BRINP1: variants seen among roughly 807,000 people sequenced by gnomAD.
BRINP1 encodes BMP/retinoic acid-inducible neural-specific protein 1.
A neutral mutation model predicts 72.9 loss-of-function variants in BRINP1; 17 were observed. The ratio of observed to expected loss-of-function variants is 0.23; its 90% CI spans 0.16 to 0.35. The LOEUF is 0.35. Ranked by LOEUF, BRINP1 falls within the 10% of genes least tolerant of loss-of-function variation. The pLI, the probability that BRINP1 is intolerant of heterozygous loss-of-function variation, is 1.00. For missense variants in BRINP1, 850 were observed against 1,001.6 expected (o/e 0.85, Z 2.04); for synonymous variants, 418 against 378.5 (o/e 1.10, Z -1.21).
At chr9:119,274,695 T>C (rs1320306931) in intron 2 of BRINP1, among the ~76,000 whole-genome samples, 1 of 151,892 alleles carries the variant, frequency 6.6e-6, no homozygotes, top group African/African-American at 2.4e-5. Flanking sequence ...AATAAGAAAA[T>C]ATGCACAGAA....
At chr9:119,172,589 C>CCAAT (rs1355469207) in intron 7 of BRINP1, among the ~76,000 whole-genome samples, 1 of 151,312 alleles carries the variant, frequency 6.6e-6, no homozygotes, top group Non-Finnish European at 1.5e-5. Flanking sequence ...TGAAACTATT[C>CCAAT]CAATCAATAG....
At chr9:119,242,347 A>G (rs1830260467) in intron 3 of BRINP1, 131 bp from the exon 4 acceptor site, 2 of 728,172 alleles carry the variant, frequency 2.7e-6, no homozygotes, top group Non-Finnish European at 4.5e-6. Context: ...CTGCCTCTAA[A>G]AATCAAAGGC....
intron 1 of BRINP1, among the ~76,000 whole-genome samples, chr9:119,357,155 G>A (rs1258104646): frequency 1.3e-5 from 2 of 152,182 alleles, no homozygotes; most frequent in African/African-American, 4.8e-5. Flanking sequence ...TAGAGAAGAA[G>A]AAATCTGCTT....
At chr9:119,238,443 A>G (rs1195397257) in intron 5 of BRINP1, among the ~76,000 whole-genome samples, 1 of 152,192 alleles carries the variant, frequency 6.6e-6, no homozygotes, top group Non-Finnish European at 1.5e-5. Context: ...ATAATCATGA[A>G]TTTACTGTCC....
chr9:119,264,678 T>A (rs1482085137), intron 2 of BRINP1, among the ~76,000 whole-genome samples: 1 of 152,154 alleles, frequency 6.6e-6, no homozygotes, highest in Admixed American at 6.5e-5. Flanking sequence ...AGCCCTGATG[T>A]TTTTTTGTTT....
intron 6 of BRINP1, among the ~76,000 whole-genome samples, chr9:119,212,196 C>T (rs1236988119): frequency 6.6e-6 from 1 of 152,128 alleles, no homozygotes; most frequent in East Asian, 1.9e-4. Flanking sequence ...TTGAGCTGTA[C>T]AGCACTGTAG....
rs141381406 is a variant in BRINP1, at chr9:119,167,521, T to C, written c.1849A>G (p.Ile617Val). Residue 617 changes from isoleucine to valine, a missense_variant, in exon 8 of 8, where the codon ATC becomes GTC. Physicochemically the swap from Ile to Val is conservative, Grantham distance 29 (BLOSUM62 3). Transcript: ENST00000265922. This position sits in a 1 kb window ranked among gnomAD's most constrained non-coding sequence, Gnocchi z 4.3. ...AGCCGAGTCCGACTACGTAGGTAGA[T>C]GTGGACCGTCTCGAAAAATGTTTTC... ...RWKTFFETVH[I>V]YLRSRTRLPT... 44 of 1,614,032 alleles carry C rather than the reference T, an allele frequency of 2.7e-5. No individual in the cohort carries two copies. Among genetic ancestry groups the C allele is most frequent in the Admixed American group, 3.3e-5 (2 of 60,006 alleles).
At chr9:119,254,029 T>G (rs1337785333) in intron 2 of BRINP1, among the ~76,000 whole-genome samples, 1 of 152,130 alleles carries the variant, frequency 6.6e-6, no homozygotes, top group Non-Finnish European at 1.5e-5. Context: ...AAAGTACACT[T>G]AAGTAAAAGG....
At chr9:119,247,006 G>C (rs955711010) in intron 3 of BRINP1, among the ~76,000 whole-genome samples, 5 of 152,202 alleles carry the variant, frequency 3.3e-5, no homozygotes. Flanking sequence ...CCTTGCCTTA[G>C]AGAAATTAAA....
At chr9:119,179,532 C>A (rs181000538) in intron 7 of BRINP1, among the ~76,000 whole-genome samples, 1 of 152,108 alleles carries the variant, frequency 6.6e-6, no homozygotes, top group Non-Finnish European at 1.5e-5. Context: ...CACGTTTAGG[C>A]CTGAACACAG....
intron 3 of BRINP1, among the ~76,000 whole-genome samples, chr9:119,244,023 T>C (rs1017244396): frequency 6.6e-6 from 1 of 152,222 alleles, no homozygotes; most frequent in Non-Finnish European, 1.5e-5. Flanking sequence ...CCTGTACAAA[T>C]GTGCCCCATT....
At chr9:119,325,556 ACTT>A (rs754579662) in intron 1 of BRINP1, among the ~76,000 whole-genome samples, 1 of 151,794 alleles carries the variant, frequency 6.6e-6, no homozygotes, top group Non-Finnish European at 1.5e-5. Context: ...TGCCTTACAC[ACTT>A]CTTTTTTCTA....
At chr9:119,319,191 T>A (rs957721652) in intron 1 of BRINP1, among the ~76,000 whole-genome samples, 7 of 152,096 alleles carry the variant, frequency 4.6e-5, no homozygotes, top group African/African-American at 1.7e-4. Context: ...TGGGCTAGAC[T>A]CCTATCTTCT....
At chr9:119,169,879 C>T (rs1588152370) in intron 7 of BRINP1, among the ~76,000 whole-genome samples, 1 of 152,154 alleles carries the variant, frequency 6.6e-6, no homozygotes, top group African/African-American at 2.4e-5. Context: ...CACACTGACA[C>T]GTCACAGGCA....
chr9:119,317,612 G>A (rs1000955383), intron 1 of BRINP1, among the ~76,000 whole-genome samples: 1 of 152,208 alleles, frequency 6.6e-6, no homozygotes, highest in Non-Finnish European at 1.5e-5. Context: ...GACTCTGGTT[G>A]TGAAAACAGT....
intron 7 of BRINP1, among the ~76,000 whole-genome samples, chr9:119,186,846 C>T (rs964228034): frequency 5.3e-5 from 8 of 152,254 alleles, no homozygotes; most frequent in Admixed American, 6.5e-5. Context: ...TCTACAGCGC[C>T]TCAGAGGATT....
intron 7 of BRINP1, among the ~76,000 whole-genome samples, chr9:119,193,446 T>C (rs1260563282): frequency 6.6e-6 from 1 of 151,850 alleles, no homozygotes; most frequent in African/African-American, 2.4e-5. Context: ...AGAGAGGAAA[T>C]GGAGAAATGT....
At position 119,368,518 on chromosome 9, in the gene BRINP1, G is replaced by A. The variant is rs1299310491; in HGVS notation, c.-51+538C>T. Among the ~76,000 whole-genome samples, 2 of 152,018 alleles carry A rather than the reference G, an allele frequency of 1.3e-5. No homozygotes were observed. Among genetic ancestry groups the A allele is most frequent in the African/African-American group, 4.8e-5 (2 of 41,400 alleles). The stretch of plus-strand genomic sequence containing the variant: ...AAACCCCAAGCCCAGAGCCCCAAGA[G>A]GAAGTCCACAGCGGGTTTCCCGGTG... On this transcript the variant is annotated intron_variant, in intron 1 of 7. Transcript: ENST00000265922. This position sits in a 1 kb window ranked among gnomAD's most constrained non-coding sequence, Gnocchi z 4.7.
At chr9:119,332,210 G>T (rs1235177318) in intron 1 of BRINP1, among the ~76,000 whole-genome samples, 2 of 152,086 alleles carry the variant, frequency 1.3e-5, no homozygotes, top group Non-Finnish European at 2.9e-5. Context: ...CATCTGTGTT[G>T]CTAGATTCAG....
Sources: allele counts gnomAD v4.1 joint callset (sites outside exome capture counted in the v4.1 genomes callset), GRCh38; gene constraint gnomAD v4.1.1; non-coding constraint Gnocchi (gnomAD v3.1); transcripts MANE v1.5; gene names NCBI Gene and HGNC (gene_info 2026-07-23, HGNC 2026-07-21).